The following DNAAF4 variants were observed in gnomAD, a reference collection of about 807,000 sequenced individuals.
The protein encoded by DNAAF4 is dynein axonemal assembly factor 4.
DNAAF4 carries 43 observed loss-of-function variants against 51.8 expected under a neutral mutation model. That is an observed-to-expected ratio of 0.83 (90% CI 0.65 to 1.07). The LOEUF (loss-of-function observed/expected upper bound fraction) is 1.07. Among genes scored for constraint, DNAAF4 ranks in the 50% least tolerant of loss-of-function variants. DNAAF4 has a pLI of 0.00. For missense variants in DNAAF4, 581 were observed against 493.0 expected (o/e 1.18, Z -1.69); for synonymous variants, 194 against 165.6 (o/e 1.17, Z -1.32).
At chr15:55,426,966 G>C (rs1162316401), downstream of DNAAF4, among the ~76,000 whole-genome samples, 1 of 152,210 alleles carries the variant, frequency 6.6e-6, no homozygotes, top group African/African-American at 2.4e-5. Context: ...TCTGCCTGCT[G>C]CCTAGACAGA....
chr15:55,449,696 C>CTTTTT (rs368060926), intron 6 of DNAAF4, among the ~76,000 whole-genome samples: 8 of 91,720 alleles, frequency 8.7e-5, no homozygotes, highest in African/African-American at 1.3e-4. Context: ...AAAAAGACCG[C>CTTTTT]TTTTTTTTTT....
At chr15:55,481,762 G>A (rs1220517170) in intron 4 of DNAAF4, among the ~76,000 whole-genome samples, 3 of 152,176 alleles carry the variant, frequency 2.0e-5, no homozygotes, top group African/African-American at 7.2e-5. Flanking sequence ...GGGAGCCTGA[G>A]GCCAACTAGC....
At chr15:55,480,978 T>G (rs1039156091) in intron 4 of DNAAF4, among the ~76,000 whole-genome samples, 1 of 152,148 alleles carries the variant, frequency 6.6e-6, no homozygotes, top group Non-Finnish European at 1.5e-5. Context: ...TGAGTGAGTC[T>G]CACAAGATCT....
intron 6 of DNAAF4, chr15:55,443,200 C>A: frequency 1.2e-6 from 2 of 1,610,184 alleles, no homozygotes; most frequent in Non-Finnish European, 1.7e-6. Context: ...CTTGTTCCAG[C>A]TGGGGTTGGG....
intron 5 of DNAAF4, among the ~76,000 whole-genome samples, chr15:55,452,239 C>A (rs1286841898): frequency 3.4e-5 from 2 of 59,472 alleles, no homozygotes; most frequent in South Asian, 7.6e-4. Flanking sequence ...CAGAGCATGT[C>A]TCACTAAAAA....
At chr15:55,441,119 T>C (rs1242879619) in intron 6 of DNAAF4, among the ~76,000 whole-genome samples, 8 of 152,166 alleles carry the variant, frequency 5.3e-5, no homozygotes, top group Non-Finnish European at 1.2e-4. Context: ...TCCCCCAGGC[T>C]GGAGTGCAGT....
intron 4 of DNAAF4, among the ~76,000 whole-genome samples, chr15:55,486,167 CTGTT>C (rs1293402585): frequency 2.0e-5 from 3 of 148,434 alleles, no homozygotes; most frequent in South Asian, 2.1e-4. Flanking sequence ...CCTCGTTTTT[CTGTT>C]TGTTTGGTTG....
intron 5 of DNAAF4, among the ~76,000 whole-genome samples, chr15:55,451,335 T>C (rs746356971): frequency 2.0e-5 from 3 of 152,220 alleles, no homozygotes; most frequent in Non-Finnish European, 4.4e-5. Flanking sequence ...CATTTGGGGC[T>C]TTATTTTACA....
chr15:55,472,173 T>C (rs2058264875), intron 4 of DNAAF4, among the ~76,000 whole-genome samples: 1 of 152,168 alleles, frequency 6.6e-6, no homozygotes, highest in Admixed American at 6.5e-5. Context: ...TCATCTAATA[T>C]AGGAAACACA....
intron 4 of DNAAF4, among the ~76,000 whole-genome samples, chr15:55,477,103 C>A (rs1233528895): frequency 1.3e-5 from 2 of 151,652 alleles, no homozygotes; most frequent in African/African-American, 4.9e-5. Context: ...ACCCAGGAGG[C>A]AGAGGTTGCA....
chr15:55,468,023 G>A lies in DNAAF4; in HGVS notation c.406-862C>T, dbSNP rs772936372. On this transcript the variant is annotated intron_variant, in intron 4 of 9. Transcript: ENST00000321149. ...TTACTTCAATGATCAAAATGTCTGT[G>A]CTATCCAATATAGTAGCCACTAGCC... 5.3e-5 allele frequency among the ~76,000 whole-genome samples: 8 copies of A among 152,118 alleles called. 1 individual carries two copies. The highest frequency in any genetic ancestry group is 1.0e-4 in the Non-Finnish European group (7 of 68,018).
chr15:55,504,220 T>C (rs537901348), intron 1 of DNAAF4, among the ~76,000 whole-genome samples: 1 of 152,144 alleles, frequency 6.6e-6, no homozygotes, highest in Non-Finnish European at 1.5e-5. Context: ...ACAAGGGATG[T>C]GAAGGACCTC....
intron 1 of DNAAF4, among the ~76,000 whole-genome samples, chr15:55,505,681 C>T (rs752441970): frequency 2.6e-5 from 4 of 152,080 alleles, no homozygotes; most frequent in Non-Finnish European, 1.5e-5. Context: ...AAACCAAACA[C>T]CACGTGTTCT....
intron 7 of DNAAF4, chr15:55,418,500 AT>A (rs1489920367): frequency 6.5e-7 from 1 of 1,527,746 alleles, no homozygotes; most frequent in Non-Finnish European, 8.8e-7. Context: ...TTTTATCAAA[AT>A]AACACTCTAA....
At chr15:55,425,860 A>G (rs1025122925), downstream of DNAAF4, among the ~76,000 whole-genome samples, 1 of 152,202 alleles carries the variant, frequency 6.6e-6, no homozygotes, top group Non-Finnish European at 1.5e-5. Context: ...CTCTTGCGCT[A>G]GTGTAACTGC....
intron 8 of DNAAF4, among the ~76,000 whole-genome samples, chr15:55,433,853 AT>A (rs538330875): frequency 1.9e-5 from 1 of 52,042 alleles, no homozygotes; most frequent in Admixed American, 3.2e-4. Flanking sequence ...TATTATATAT[AT>A]TATAATATAT....
At chr15:55,470,847 ATTTTTTTTT>A (rs1169756178) in intron 4 of DNAAF4, among the ~76,000 whole-genome samples, 3 of 99,026 alleles carry the variant, frequency 3.0e-5, no homozygotes, top group African/African-American at 1.2e-4. Flanking sequence ...TGCCTGGCGG[ATTTTTTTTT>A]TTTTTTTTTT....
At position 55,450,059 on chromosome 15, in the gene DNAAF4, A is replaced by G. The variant is rs2057909996; in HGVS notation, c.783+163T>C. Among the ~76,000 whole-genome samples the G allele has an allele frequency of 2.0e-5, 3 of 152,172 alleles. No homozygotes were observed. The South Asian group carries it at 6.2e-4, about 31-fold the overall frequency. On this transcript the variant is annotated intron_variant, in intron 6 of 9. Transcript: ENST00000321149. ...CTATTCTGGAGCCAAAAACATCTGC[A>G]AAATATATTTTCTCATAAGGAAATT...
rs143506150 is a variant in DNAAF4 at position 55,488,711 on chromosome 15, A to G, written c.405+2412T>C. On this transcript the variant is annotated intron_variant, in intron 4 of 9. Coordinates refer to ENST00000321149, the MANE Select transcript of DNAAF4 (RefSeq NM_130810.4). ...CTTTTGTAGGTTCTGTCCTCTTAAT[A>G]TAACCCGTATCTTCATATTTTATAT... Among the ~76,000 whole-genome samples the G allele has an allele frequency of 8.4e-3, 1,273 of 152,274 alleles. 18 individuals carry two copies. The highest frequency in any genetic ancestry group is 0.029 in the African/African-American group (1,220 of 41,550).
Sources: gnomAD v4.1 joint callset for allele counts (sites outside exome capture counted in the v4.1 genomes callset) on GRCh38, gnomAD v4.1.1 for gene constraint, MANE v1.5 for transcripts, NCBI Gene and HGNC (gene_info 2026-07-23, HGNC 2026-07-21) for gene names.